TMEM67: variants seen among roughly 807,000 people sequenced by gnomAD.
The protein encoded by TMEM67 is meckelin.
TMEM67 carries 124 observed loss-of-function variants against 136.6 expected under a neutral mutation model. That is an observed-to-expected ratio of 0.91 (90% CI 0.78 to 1.05). TMEM67 has a LOEUF of 1.05. Among genes scored for constraint, TMEM67 ranks in the 50% least tolerant of loss-of-function variants. The pLI is 0.00. For synonymous variants in TMEM67, 364 were observed against 390.5 expected (o/e 0.93, Z 0.80); for missense variants, 1,107 against 1,178.4 (o/e 0.94, Z 0.89).
chr8:93,798,768 C>G (rs527460404), intron 20 of TMEM67, among the ~76,000 whole-genome samples: 1 of 151,932 alleles, frequency 6.6e-6, no homozygotes, highest in African/African-American at 2.4e-5. Context: ...ATAATATGAA[C>G]AAGACTTCCA....
At chr8:93,808,512 A>ATCTATTATATATC (rs1808548861) in intron 23 of TMEM67, among the ~76,000 whole-genome samples, 1 of 6,236 alleles carries the variant, frequency 1.6e-4, no homozygotes, top group Admixed American at 1.7e-3. Context: ...AGATGAATAT[A>ATCTATTATATATC]TATATTTATA....
rs202135944 is a variant in TMEM67, at chr8:93,755,880, A to G, written c.312+14A>G. The G allele has an allele frequency of 4.1e-5, 60 of 1,456,244 alleles. 1 individual carries two copies. In the East Asian group the frequency reaches 1.1e-3, roughly 27 times the overall value. The allele number at this position is 1,456,244 out of a possible 1,614,324, so 90.2% of individuals were successfully genotyped here. ...CCAGAAAACATGGTGCGCATAATTTATTTTAAAATAACTTACCTGTAAAAA... is the reference window on the plus strand; with the variant it reads ...CCAGAAAACATGGTGCGCATAATTTGTTTTAAAATAACTTACCTGTAAAAA... On this transcript the variant is annotated intron_variant, in intron 2 of 27. Coordinates refer to ENST00000453321, the MANE Select transcript of TMEM67 (RefSeq NM_153704.6).
At chr8:93,826,069 T>C in the TMEM67 span, among the ~76,000 whole-genome samples, 1 of 151,906 alleles carries the variant, frequency 6.6e-6, no homozygotes, top group Non-Finnish European at 1.5e-5. Flanking sequence ...GTATAACTTA[T>C]TCCATAATGA....
chr8:93,779,480 C>T (rs1813710867), intron 7 of TMEM67, among the ~76,000 whole-genome samples: 1 of 152,122 alleles, frequency 6.6e-6, no homozygotes, highest in Admixed American at 6.5e-5. Context: ...TGGTTTCTCC[C>T]CATCTTTATG....
intron 26 of TMEM67, among the ~76,000 whole-genome samples, chr8:93,812,730 T>C (rs1808749146): frequency 6.6e-6 from 1 of 152,218 alleles, no homozygotes; most frequent in Admixed American, 6.5e-5. Flanking sequence ...GGAAATGTTA[T>C]TATTGTTATT....
At chr8:93,770,981 C>T (rs746297334) in intron 6 of TMEM67, among the ~76,000 whole-genome samples, 132 of 151,484 alleles carry the variant, frequency 8.7e-4, no homozygotes, top group Admixed American at 1.9e-3. Context: ...CGCCATTGCA[C>T]TCCATCCTGG....
intron 20 of TMEM67, among the ~76,000 whole-genome samples, 154 bp downstream of exon 20, chr8:93,797,624 C>T (rs1040819978): frequency 5.3e-5 from 8 of 152,142 alleles, no homozygotes; most frequent in Admixed American, 2.6e-4. Flanking sequence ...CTTTATGTTA[C>T]GTATTTTACC....
At chr8:93,819,156 A>G (rs769173824), downstream of TMEM67, 7 of 449,538 alleles carry the variant, frequency 1.6e-5, no homozygotes, top group South Asian at 1.1e-4. Context: ...TGAATGCTGG[A>G]ATTTTTATTT....
chr8:93,798,432 CTA>C (rs940179288), intron 20 of TMEM67, among the ~76,000 whole-genome samples: 1 of 152,174 alleles, frequency 6.6e-6, no homozygotes, highest in African/African-American at 2.4e-5. Context: ...TTACTGTAGA[CTA>C]TGTTCTGTGC....
At chr8:93,779,894 C>T (rs1231510385) in intron 7 of TMEM67, among the ~76,000 whole-genome samples, 2 of 152,204 alleles carry the variant, frequency 1.3e-5, no homozygotes, top group Non-Finnish European at 2.9e-5. Flanking sequence ...GGGAGAACCA[C>T]TGCTCTCTTC....
intron 7 of TMEM67, among the ~76,000 whole-genome samples, chr8:93,773,070 G>C (rs1813394296): frequency 6.6e-6 from 1 of 152,120 alleles, no homozygotes; most frequent in Non-Finnish European, 1.5e-5. Context: ...TAGATGGGGT[G>C]GGGGGTGCTA....
the TMEM67 span, among the ~76,000 whole-genome samples, chr8:93,825,759 G>A: frequency 2.6e-5 from 4 of 152,306 alleles, no homozygotes; most frequent in South Asian, 2.1e-4. Context: ...GAGTGGCTTC[G>A]TGACATTTAG....
rs1475347154 is a variant in TMEM67 at position 93,804,809 on chromosome 8, T to C, written c.2370T>C (p.His790=). ...LSHKCFGYYI[H]GRSVHGHADT... ...ACAAATGTTTTGGATATTACATTCA[T>C]GGTAGATCAGTACATGGGCATGCAG... Residue 790 remains histidine (H), a synonymous_variant, in exon 23 of 28, where the codon CAT becomes CAC. Coordinates refer to ENST00000453321, the MANE Select transcript of TMEM67 (RefSeq NM_153704.6). 4.4e-6 allele frequency: 7 copies of C among 1,608,384 alleles called. No homozygotes were observed. The highest frequency in any genetic ancestry group is 2.2e-5 in the East Asian group (1 of 44,750).
intron 6 of TMEM67, among the ~76,000 whole-genome samples, chr8:93,772,387 TA>T (rs1813365600): frequency 6.6e-6 from 1 of 152,230 alleles, no homozygotes; most frequent in South Asian, 2.1e-4. Context: ...TTTGTCTCGT[TA>T]TATCTTTTGC....
intron 7 of TMEM67, among the ~76,000 whole-genome samples, chr8:93,777,653 T>G (rs992392939): frequency 1.3e-5 from 2 of 152,168 alleles, no homozygotes; most frequent in African/African-American, 4.8e-5. Context: ...TTCCATGTCG[T>G]TGTGTGGTTT....
intron 1 of TMEM67, 59 bp from the exon 2 acceptor site, chr8:93,755,719 A>C: frequency 8.9e-7 from 1 of 1,120,288 alleles, no homozygotes; most frequent in Non-Finnish European, 1.3e-6. Context: ...CTATCTGGGA[A>C]CTTTATTTTT....
Position 93,803,704 on chromosome 8 carries a change from AT to A in TMEM67, c.2322+21del. ...AGTAATGTAAGTACTTTCTGACTTCATCTTGCAACTGTTACTTTCCCTTTTT... is the reference window on the plus strand; with the variant it reads ...AGTAATGTAAGTACTTTCTGACTTCACTTGCAACTGTTACTTTCCCTTTTT... On this transcript the variant is annotated intron_variant, in intron 22 of 27. Transcript: ENST00000453321. The A allele has an allele frequency of 7.5e-7, 1 of 1,324,904 alleles. No individual in the cohort carries two copies. Among genetic ancestry groups the A allele is most frequent in the Non-Finnish European group, 1.1e-6 (1 of 917,144 alleles). 82.1% of individuals were successfully genotyped at this position (1,324,904 alleles called of 1,614,324 possible). A position where few individuals can be genotyped will look rare whatever the true frequency, so the allele number is the denominator to read the frequency against.
rs1055489998 is a variant in TMEM67, at chr8:93,817,831, G to A, written c.*1379G>A. The A allele has an allele frequency of 2.0e-5, 3 of 152,138 alleles. No homozygotes were observed. The highest frequency in any genetic ancestry group is 3.2e-3 in the Middle Eastern group (1 of 316). 9.4% of individuals were successfully genotyped at this position (152,138 alleles called of 1,614,324 possible). On this transcript the variant is annotated 3_prime_UTR_variant, in exon 28 of 28. Transcript: ENST00000453321. ...GTCTTTGAAACTGCAGTTTCTGAAG[G>A]ATCACAGTACAGGAATGCCTTTATA...
At chr8:93,806,483 T>C (rs1328733979) in intron 23 of TMEM67, among the ~76,000 whole-genome samples, 1 of 152,126 alleles carries the variant, frequency 6.6e-6, no homozygotes, top group Non-Finnish European at 1.5e-5. Context: ...TGAAACAAAA[T>C]TGATAAAATA....
Sources: gnomAD v4.1 joint callset for allele counts (sites outside exome capture counted in the v4.1 genomes callset) on GRCh38, gnomAD v4.1.1 for gene constraint, MANE v1.5 for transcripts, NCBI Gene and HGNC (gene_info 2026-07-23, HGNC 2026-07-21) for gene names.